Variants in TMEM178B observed in about 807,000 individuals in gnomAD.
TMEM178B encodes the protein transmembrane protein 178B.
TMEM178B carries 5 observed loss-of-function variants against 31.0 expected under a neutral mutation model. That is an observed-to-expected ratio of 0.16 (90% confidence interval 0.08 to 0.34). The LOEUF (loss-of-function observed/expected upper bound fraction) is 0.34. Ranked by LOEUF, TMEM178B falls within the 10% of genes least tolerant of loss-of-function variation. TMEM178B has a pLI of 1.00. For synonymous variants in TMEM178B, 164 were observed against 164.0 expected, an observed-to-expected ratio of 1.00 and a Z score of 0.00; for missense variants, 275 against 400.3, an observed-to-expected ratio of 0.69 and a Z score of 2.67.
At chr7:141,105,931 C>A (rs1019034884) in intron 1 of TMEM178B, among the ~76,000 whole-genome samples, 3 of 151,880 alleles carry the variant, frequency 2.0e-5, no homozygotes, top group South Asian at 4.2e-4. Flanking sequence ...CCTGTGTCTA[C>A]TAAAAATATA....
At chr7:141,221,627 A>G (rs1404006307) in intron 2 of TMEM178B, among the ~76,000 whole-genome samples, 1 of 152,238 alleles carries the variant, frequency 6.6e-6, no homozygotes, top group African/African-American at 2.4e-5. Context: ...GAACCAGGGC[A>G]CACAAGGCAG....
At position 141,344,587 on chromosome 7, in the gene TMEM178B, CCTTCCTT is replaced by C. The variant is rs1799580810; in HGVS notation, c.497-93019_497-93013del. Among the ~76,000 whole-genome samples the C allele has an allele frequency of 8.1e-6, 1 of 122,880 alleles. No individual in the cohort carries two copies. Among genetic ancestry groups the C allele is most frequent in the African/African-American group, 3.4e-5 (1 of 29,798 alleles). The allele number at this position is 122,880 out of a possible 152,430, so 80.6% of individuals were successfully genotyped here. A position where few individuals can be genotyped will look rare whatever the true frequency, so the allele number is the denominator to read the frequency against. ...TTCCTCCCTCCTCCCTTCCTTCCTT[CCTTCCTT>C]CCTTCCTTCCTTCCTTCCTTCCTTC... On this transcript the variant is annotated intron_variant, in intron 2 of 3. Transcript: ENST00000565468. This position sits in a 1 kb window ranked among gnomAD's most constrained non-coding sequence, Gnocchi z 4.1.
chr7:141,304,072 C>T (rs1798772167), intron 2 of TMEM178B, among the ~76,000 whole-genome samples: 1 of 152,172 alleles, frequency 6.6e-6, no homozygotes, highest in Non-Finnish European at 1.5e-5. Context: ...TGTAGCCACT[C>T]AGGGGCTGAT....
In TMEM178B at chr7:141,470,524, C is replaced by T; in HGVS notation, c.635-12C>T. On this transcript the variant is annotated splice_polypyrimidine_tract_variant and intron_variant, in intron 3 of 3. Coordinates refer to ENST00000565468, the MANE Select transcript of TMEM178B (RefSeq NM_001195278.2). Reference sequence around the variant, plus strand: ...CATTTCCCCATCCTGTGTCTTTTCCCTTGTCCTCCAGGAACCTTCTGCATC... The same window carrying T: ...CATTTCCCCATCCTGTGTCTTTTCCTTTGTCCTCCAGGAACCTTCTGCATC... The T allele has an allele frequency of 1.3e-6, 2 of 1,501,656 alleles. No homozygotes were observed. Among genetic ancestry groups the T allele is most frequent in the South Asian group, 1.3e-5 (1 of 78,730 alleles). 93.0% of individuals were successfully genotyped at this position (1,501,656 alleles called of 1,614,324 possible).
intron 1 of TMEM178B, among the ~76,000 whole-genome samples, chr7:141,077,591 C>T (rs1417584490): frequency 1.3e-5 from 2 of 152,210 alleles, no homozygotes; most frequent in East Asian, 3.9e-4. Context: ...ATGCATTTCT[C>T]ATCACTGTGT....
chr7:141,239,484 C>A (rs1240856672), intron 2 of TMEM178B, among the ~76,000 whole-genome samples: 1 of 152,122 alleles, frequency 6.6e-6, no homozygotes, highest in Non-Finnish European at 1.5e-5. Context: ...TCATTGGGTG[C>A]CAGCCATCGC....
chr7:141,170,373 T>C (rs902503208), intron 1 of TMEM178B, among the ~76,000 whole-genome samples: 1 of 152,192 alleles, frequency 6.6e-6, no homozygotes, highest in African/African-American at 2.4e-5. Flanking sequence ...CGTCTTACAG[T>C]GGATTATACC....
At chr7:141,389,308 C>G (rs1043143873) in intron 2 of TMEM178B, among the ~76,000 whole-genome samples, 3 of 152,142 alleles carry the variant, frequency 2.0e-5, no homozygotes, top group African/African-American at 7.2e-5. Context: ...TTCTCTATTA[C>G]CAGCTTGCCA....
chr7:141,183,593 C>T (rs1223020331), intron 1 of TMEM178B, among the ~76,000 whole-genome samples: 1 of 152,158 alleles, frequency 6.6e-6, no homozygotes, highest in East Asian at 1.9e-4. Context: ...ATTAAAGCAA[C>T]AATTCCTTAG....
At chr7:141,403,647 A>G (rs899710688) in intron 2 of TMEM178B, among the ~76,000 whole-genome samples, 2 of 152,236 alleles carry the variant, frequency 1.3e-5, no homozygotes, top group African/African-American at 4.8e-5. Context: ...TCACATAGCT[A>G]TGAAAGCACA....
chr7:141,371,124 G>A (rs1800107360), intron 2 of TMEM178B, among the ~76,000 whole-genome samples: 1 of 152,210 alleles, frequency 6.6e-6, no homozygotes, highest in Non-Finnish European at 1.5e-5. Context: ...GTGTACTACA[G>A]GTTGGATCTT....
chr7:141,217,793 C>G (rs1256870493), intron 2 of TMEM178B, among the ~76,000 whole-genome samples: 1 of 151,982 alleles, frequency 6.6e-6, no homozygotes, highest in African/African-American at 2.4e-5. Context: ...CTCAGATGTT[C>G]TCATTCTGCT....
intron 2 of TMEM178B, among the ~76,000 whole-genome samples, chr7:141,313,088 C>T (rs1798941609): frequency 6.6e-6 from 1 of 152,156 alleles, no homozygotes; most frequent in African/African-American, 2.4e-5. Context: ...GCCTCTGACA[C>T]AAAGGTTGGA....
At chr7:141,147,813 T>C (rs1003741330) in intron 1 of TMEM178B, among the ~76,000 whole-genome samples, 2 of 152,112 alleles carry the variant, frequency 1.3e-5, no homozygotes, top group Admixed American at 6.5e-5. Flanking sequence ...CAGTTAAAGA[T>C]GTTAAGCTGT....
intron 2 of TMEM178B, among the ~76,000 whole-genome samples, chr7:141,363,624 G>C (rs1208202664): frequency 2.6e-5 from 4 of 152,190 alleles, no homozygotes; most frequent in Non-Finnish European, 4.4e-5. Context: ...GTGTCACGAA[G>C]AATTATCCCC....
intron 2 of TMEM178B, among the ~76,000 whole-genome samples, chr7:141,220,573 CT>C (rs1187754206): frequency 2.0e-5 from 3 of 152,018 alleles, no homozygotes; most frequent in African/African-American, 4.8e-5. Context: ...ACAGTACAGC[CT>C]TTTCTGTTAA....
intron 2 of TMEM178B, among the ~76,000 whole-genome samples, chr7:141,368,649 T>C (rs1394254671): frequency 6.6e-6 from 1 of 152,234 alleles, no homozygotes; most frequent in African/African-American, 2.4e-5. Context: ...TTTTTCCCGA[T>C]GGATCTGTGC....
At chr7:141,213,801 A>G (rs1797086055) in intron 2 of TMEM178B, among the ~76,000 whole-genome samples, 2 of 152,212 alleles carry the variant, frequency 1.3e-5, no homozygotes, top group Admixed American at 1.3e-4. Flanking sequence ...CAGAACAATC[A>G]TTCATTGGTT....
the TMEM178B span, among the ~76,000 whole-genome samples, chr7:141,492,293 T>G: frequency 6.6e-6 from 1 of 152,206 alleles, no homozygotes; most frequent in East Asian, 1.9e-4. Flanking sequence ...TTCAAAGGCC[T>G]TCCCTGATCC....
Sources: allele counts gnomAD v4.1 joint callset (sites outside exome capture counted in the v4.1 genomes callset), GRCh38; gene constraint gnomAD v4.1.1; non-coding constraint Gnocchi (gnomAD v3.1); transcripts MANE v1.5; gene names NCBI Gene and HGNC (gene_info 2026-07-23, HGNC 2026-07-21).